Variants in ZNF12 observed in about 807,000 individuals in gnomAD.
ZNF12 encodes zinc finger protein 12.
A neutral mutation model predicts 66.6 loss-of-function variants in ZNF12; 34 were observed. The observed-to-expected ratio is 0.51, with a 90% CI of 0.39 to 0.68. The LOEUF is 0.68. ZNF12 is among the 30% of genes least tolerant of loss of function. The pLI is 0.00. For missense variants in ZNF12, 697 were observed against 826.9 expected (o/e 0.84, Z 1.93); for synonymous variants, 320 against 278.9 (o/e 1.15, Z -1.47).
intron 2 of ZNF12, among the ~76,000 whole-genome samples, chr7:6,704,526 C>T (rs1441114077): frequency 7.6e-6 from 1 of 131,114 alleles, no homozygotes; most frequent in South Asian, 2.5e-4. Flanking sequence ...CTCAGGAGTT[C>T]GAGAGCAGCC....
chr7:6,694,091 C>T (rs778715822), intron 4 of ZNF12, among the ~76,000 whole-genome samples: 3 of 151,684 alleles, frequency 2.0e-5, no homozygotes, highest in Non-Finnish European at 2.9e-5. Context: ...CGCTTGAACC[C>T]GGGAGGTGGA....
intron 2 of ZNF12, among the ~76,000 whole-genome samples, chr7:6,699,909 G>A (rs1780207714): frequency 6.6e-6 from 1 of 152,132 alleles, no homozygotes; most frequent in South Asian, 2.1e-4. Flanking sequence ...ACTACAATAA[G>A]TGTGAACACA....
In ZNF12 at chr7:6,689,119, T is replaced by C. The variant is rs1300529427; in HGVS notation, c.*1729A>G. On this transcript the variant is annotated 3_prime_UTR_variant, in exon 5 of 5. Transcript: ENST00000405858. ...GTACCAATTAGAATGTCTTCAGTTA[T>C]TAGTAATAGAGCATCCTAAATCAAC... The C allele has an allele frequency of 2.0e-5, 3 of 152,294 alleles. No homozygotes were observed. The highest frequency in any genetic ancestry group is 4.4e-5 in the Non-Finnish European group (3 of 68,040). 9.4% of individuals were successfully genotyped at this position (152,294 alleles called of 1,614,324 possible).
chr7:6,706,784 C>T lies in ZNF12; in HGVS notation c.-403G>A, dbSNP rs1780366518. The stretch of plus-strand genomic sequence containing the variant: ...TCCGGGGGTCGTGCTCGGGGATCCC[C>T]GCTTGAGCCTCCGCCTGGCCCGCAC... On this transcript the variant is annotated 5_prime_UTR_variant, in exon 1 of 5. Transcript: ENST00000405858. 1 of 250,218 alleles carries T rather than the reference C, an allele frequency of 4.0e-6. No homozygotes were observed. Among genetic ancestry groups the T allele is most frequent in the Non-Finnish European group, 7.9e-6 (1 of 126,890 alleles). The allele number at this position is 250,218 out of a possible 1,614,324, so 15.5% of individuals were successfully genotyped here. A position where few individuals can be genotyped will look rare whatever the true frequency, so the allele number is the denominator to read the frequency against.
Position 6,692,687 on chromosome 7 carries a change from A to G in ZNF12, c.255T>C (p.Thr85=), listed in dbSNP as rs372853962. The change falls in exon 5 of 5, where the codon ACT becomes ACC. Residue 85 remains threonine (T), a synonymous_variant. Coordinates refer to ENST00000405858, the MANE Select transcript of ZNF12 (RefSeq NM_016265.4). This position sits in a 1 kb window ranked among gnomAD's most constrained non-coding sequence, Gnocchi z 5.1. ...LQSYPDEVWQ[T]DDLIERIQEE... ...CCTGGATTCTCTCTATTAGGTCATC[A>G]GTTTGCCAGACTTCATCTAAAGAGA... is the stretch of plus-strand genomic sequence containing the variant. The G allele has an allele frequency of 6.3e-7, 1 of 1,577,540 alleles. No homozygotes were observed. Among genetic ancestry groups the G allele is most frequent in the Non-Finnish European group, 8.6e-7 (1 of 1,165,944 alleles).
At chr7:6,695,717 T>A (rs1780144674) in intron 4 of ZNF12, among the ~76,000 whole-genome samples, 1 of 152,230 alleles carries the variant, frequency 6.6e-6, no homozygotes, top group South Asian at 2.1e-4. Flanking sequence ...CACTATCGAA[T>A]AACAGATTAC....
chr7:6,691,412 GA>G lies in ZNF12; in HGVS notation c.1529del (p.Ile510ThrfsTer9), dbSNP rs776674428. ...KLFSQLSYLT[I>X]HHRTHSGVKP... ...TTACTCCTGAATGAGTTCTATGATGGATAGTGAGGTATGACAACTGGGAGAA... is the reference window on the plus strand; with the variant it reads ...TTACTCCTGAATGAGTTCTATGATGGTAGTGAGGTATGACAACTGGGAGAA... On this transcript the variant is annotated frameshift_variant, in exon 5 of 5. Transcript: ENST00000405858. LOFTEE classifies it high-confidence loss of function. The G allele has an allele frequency of 1.1e-5, 17 of 1,612,680 alleles. No homozygotes were observed. The highest frequency in any genetic ancestry group is 8.5e-7 in the Non-Finnish European group (1 of 1,179,584).
chr7:6,704,529 G>C (rs1320261451), intron 2 of ZNF12, among the ~76,000 whole-genome samples: 1 of 136,946 alleles, frequency 7.3e-6, no homozygotes, highest in Admixed American at 7.6e-5. Context: ...AGGAGTTCGA[G>C]AGCAGCCTGG....
intron 2 of ZNF12, chr7:6,701,064 T>G (rs1384013035): frequency 6.6e-6 from 1 of 152,272 alleles, no homozygotes; most frequent in Non-Finnish European, 1.5e-5. Context: ...TGCAGCCTCA[T>G]ATTCCTGGGC....
intron 2 of ZNF12, among the ~76,000 whole-genome samples, chr7:6,699,262 T>C (rs1193965862): frequency 1.3e-5 from 2 of 152,242 alleles, no homozygotes; most frequent in Non-Finnish European, 2.9e-5. Context: ...CTCCTGATGT[T>C]GACTGAACAC....
At position 6,694,166 on chromosome 7, in the gene ZNF12, C is replaced by CAA. The variant is rs753121327; in HGVS notation, c.239-1465_239-1464dup. Among the ~76,000 whole-genome samples, 224 of 139,504 alleles carry CAA rather than the reference C, an allele frequency of 1.6e-3. 2 individuals carry two copies. Among genetic ancestry groups the CAA allele is most frequent in the African/African-American group, 5.6e-3 (216 of 38,382 alleles). 91.5% of individuals were successfully genotyped at this position (139,504 alleles called of 152,430 possible). A position where few individuals can be genotyped will look rare whatever the true frequency, so the allele number is the denominator to read the frequency against. On this transcript the variant is annotated intron_variant, in intron 4 of 4. Coordinates refer to ENST00000405858, the MANE Select transcript of ZNF12 (RefSeq NM_016265.4). ...TGGGTGACAGAGTGAGAATCTGTCT[C>CAA]AAAAAAAAAAACAAAACAAACAAAA...
In ZNF12 at chr7:6,705,622, G is replaced by A. The variant is rs1171359455; in HGVS notation, c.-50-399C>T. Among the ~76,000 whole-genome samples, 1 of 152,152 alleles carries A rather than the reference G, an allele frequency of 6.6e-6. No individual in the cohort carries two copies. Among genetic ancestry groups the A allele is most frequent in the Non-Finnish European group, 1.5e-5 (1 of 68,034 alleles). On this transcript the variant is annotated intron_variant, in intron 1 of 4. Transcript: ENST00000405858. The surrounding 1 kb of genome is among the most constrained non-coding windows in gnomAD (Gnocchi z 4.0). ...TAACCCCAGCTACTCGGGAGGCTGA[G>A]GCAGGAGAATCGCTTGAACCCGGGA...
intron 2 of ZNF12, among the ~76,000 whole-genome samples, chr7:6,702,303 AACACACAC>A (rs35642461): frequency 6.5e-5 from 8 of 122,812 alleles, no homozygotes; most frequent in Non-Finnish European, 8.9e-5. Flanking sequence ...AAACTCCACA[AACACACAC>A]ACACACACAC....
chr7:6,705,694 G>A lies in ZNF12; in HGVS notation c.-50-471C>T, dbSNP rs1374255009. ...GGATGGCACCATTGCACTCCAGCCT[G>A]GGCAACAAAGCGAAACTTGTCTCAA... On this transcript the variant is annotated intron_variant, in intron 1 of 4. Coordinates refer to ENST00000405858, the MANE Select transcript of ZNF12 (RefSeq NM_016265.4). The surrounding 1 kb of genome is among the most constrained non-coding windows in gnomAD (Gnocchi z 4.0). Among the ~76,000 whole-genome samples the A allele has an allele frequency of 1.3e-5, 2 of 148,388 alleles. No individual in the cohort carries two copies. Among genetic ancestry groups the A allele is most frequent in the South Asian group, 4.2e-4 (2 of 4,772 alleles).
rs749509238 is a variant in ZNF12, at chr7:6,705,146, C to G, written c.15+13G>C. The G allele has an allele frequency of 6.2e-7, 1 of 1,613,248 alleles. No homozygotes were observed. Among genetic ancestry groups the G allele is most frequent in the Admixed American group, 1.7e-5 (1 of 59,924 alleles). ...TCAGAGTAGAGAATAAATACATGAA[C>G]AGAAACACTCACCAGGGATTTATTC... On this transcript the variant is annotated intron_variant, in intron 2 of 4. Coordinates refer to ENST00000405858, the MANE Select transcript of ZNF12 (RefSeq NM_016265.4). This position sits in a 1 kb window ranked among gnomAD's most constrained non-coding sequence, Gnocchi z 4.0.
rs1236238976 is a variant in ZNF12, at chr7:6,697,216, T to C, written c.238+123A>G. The C allele has an allele frequency of 4.7e-6, 3 of 640,478 alleles. No homozygotes were observed. Among genetic ancestry groups the C allele is most frequent in the South Asian group, 2.9e-5 (1 of 34,336 alleles). The allele number at this position is 640,478 out of a possible 1,614,324, so 39.7% of individuals were successfully genotyped here. ...AAGGAAGAAGTCTTTGGGAGTGAGATTCAGGTTCATAGAGCATATAAGCAA... is the reference window on the plus strand; with the variant it reads ...AAGGAAGAAGTCTTTGGGAGTGAGACTCAGGTTCATAGAGCATATAAGCAA... On this transcript the variant is annotated intron_variant, in intron 4 of 4. Coordinates refer to ENST00000405858, the MANE Select transcript of ZNF12 (RefSeq NM_016265.4). This position sits in a 1 kb window ranked among gnomAD's most constrained non-coding sequence, Gnocchi z 6.1.
Position 6,692,086 on chromosome 7 carries a change from T to C in ZNF12, c.856A>G (p.Ile286Val), listed in dbSNP as rs202023306. ...KSFCKKSKFI[I>V]HQRTHTGEKP... ...TCTCCTGTGTGAGTCCTCTGATGTA[T>C]AATAAATTTTGACTTTTTACAGAAG... is the stretch of plus-strand genomic sequence containing the variant. Residue 286 changes from isoleucine to valine, a missense_variant, in exon 5 of 5, where the codon ATA becomes GTA. By Grantham distance (29) the Ile-to-Val change is conservative. Coordinates refer to ENST00000405858, the MANE Select transcript of ZNF12 (RefSeq NM_016265.4). This position sits in a 1 kb window ranked among gnomAD's most constrained non-coding sequence, Gnocchi z 5.1. 4 of 1,614,020 alleles carry C rather than the reference T, an allele frequency of 2.5e-6. No individual in the cohort carries two copies. The highest frequency in any genetic ancestry group is 2.7e-5 in the African/African-American group (2 of 75,020).
Position 6,705,160 on chromosome 7 carries a change from A to G in ZNF12, c.14T>C (p.Leu5Pro). 1 of 1,613,768 alleles carries G rather than the reference A, an allele frequency of 6.2e-7. No individual in the cohort carries two copies. The highest frequency in any genetic ancestry group is 8.5e-7 in the Non-Finnish European group (1 of 1,179,748). Residue 5 changes from leucine to proline, a missense_variant and splice_region_variant, in exon 2 of 5, where the codon CTG becomes CCG. Leu to Pro is a moderately conservative substitution (Grantham distance 98). Coordinates refer to ENST00000405858, the MANE Select transcript of ZNF12 (RefSeq NM_016265.4). The surrounding 1 kb of genome is among the most constrained non-coding windows in gnomAD (Gnocchi z 4.0). MNKSLGPVSFKDVAV... is the reference protein window; with the variant it reads MNKSPGPVSFKDVAV... ...AAATACATGAACAGAAACACTCACC[A>G]GGGATTTATTCATTTTCTGCTGCTC...
Position 6,705,704 on chromosome 7 carries a change from G to A in ZNF12, c.-50-481C>T, listed in dbSNP as rs1373229630. On this transcript the variant is annotated intron_variant, in intron 1 of 4. Transcript: ENST00000405858. The surrounding 1 kb of genome is among the most constrained non-coding windows in gnomAD (Gnocchi z 4.0). ...ATTGCACTCCAGCCTGGGCAACAAA[G>A]CGAAACTTGTCTCAAAAACAAACAA... is the stretch of plus-strand genomic sequence containing the variant. Among the ~76,000 whole-genome samples the A allele has an allele frequency of 6.9e-6, 1 of 144,954 alleles. No individual in the cohort carries two copies. The highest frequency in any genetic ancestry group is 2.6e-5 in the African/African-American group (1 of 38,366).
Sources: gnomAD v4.1 joint callset for allele counts (sites outside exome capture counted in the v4.1 genomes callset) on GRCh38, gnomAD v4.1.1 for gene constraint, Gnocchi (gnomAD v3.1) non-coding constraint, MANE v1.5 for transcripts, NCBI Gene and HGNC (gene_info 2026-07-23, HGNC 2026-07-21) for gene names.